HCRTR2: variants seen among roughly 807,000 people sequenced by gnomAD.
HCRTR2 encodes the protein hypocretin receptor 2.
Under a neutral mutation model 49.0 loss-of-function variants are expected in HCRTR2, and 22 were observed. The ratio of observed to expected loss-of-function variants is 0.45; its 90% CI spans 0.32 to 0.64. The LOEUF is 0.64. Ranked by LOEUF, HCRTR2 falls within the 30% of genes least tolerant of loss-of-function variation. The probability of loss-of-function intolerance (pLI) is 0.04; values close to 1 mark genes in which losing one functional copy is unlikely to be tolerated. For synonymous variants in HCRTR2, 236 were observed against 205.3 expected (o/e 1.15, Z -1.28); for missense variants, 491 against 559.4 (o/e 0.88, Z 1.23).
chr6:55,228,847 T>C (rs2127299074), intron 1 of HCRTR2, among the ~76,000 whole-genome samples: 1 of 152,348 alleles, frequency 6.6e-6, no homozygotes, highest in African/African-American at 2.4e-5. Context: ...CAAAATAACA[T>C]ATTTTAATGA....
At chr6:55,110,373 T>C (rs1764032348) in intron 1 of HCRTR2, among the ~76,000 whole-genome samples, 1 of 152,022 alleles carries the variant, frequency 6.6e-6, no homozygotes, top group Admixed American at 6.6e-5. Context: ...ATACCTCACC[T>C]CTCAATACTA....
In HCRTR2 at chr6:55,120,772, A is replaced by G. The variant is rs188336677; in HGVS notation, c.-378+14227A>G. 3.1e-3 allele frequency among the ~76,000 whole-genome samples: 468 copies of G among 152,156 alleles called. 1 individual carries two copies. Among genetic ancestry groups the G allele is most frequent in the African/African-American group, 9.8e-3 (406 of 41,536 alleles). The stretch of plus-strand genomic sequence containing the variant: ...TTTCTCTTGTCTGATTGGCCTGGCC[A>G]GAACTTCCAATACTATGTTGAATAG... On this transcript the variant is annotated intron_variant, in intron 1 of 7. Transcript: ENST00000615358.
At chr6:55,245,467 TTTTATA>T (rs1182034873) in intron 1 of HCRTR2, among the ~76,000 whole-genome samples, 2,445 of 101,328 alleles carry the variant, frequency 0.024, 61 homozygotes, top group Non-Finnish European at 0.026. Flanking sequence ...CATAGGAAGA[TTTTATA>T]TATATATATA....
intron 3 of HCRTR2, among the ~76,000 whole-genome samples, chr6:55,256,819 C>A (rs1278764494): frequency 6.6e-6 from 1 of 152,172 alleles, no homozygotes; most frequent in Admixed American, 6.5e-5. Context: ...TTGTGCCCAC[C>A]TGGAGAGAAA....
intron 1 of HCRTR2, among the ~76,000 whole-genome samples, chr6:55,167,973 G>T (rs917813051): frequency 1.3e-5 from 2 of 152,158 alleles, no homozygotes; most frequent in Non-Finnish European, 2.9e-5. Context: ...ACATATCCAG[G>T]AATTTCCTTG....
At chr6:55,130,885 CA>C (rs1764346801) in intron 1 of HCRTR2, among the ~76,000 whole-genome samples, 1 of 151,858 alleles carries the variant, frequency 6.6e-6, no homozygotes, top group African/African-American at 2.4e-5. Context: ...CTGGCTTGGG[CA>C]AATCTTCATG....
At position 55,235,994 on chromosome 6, in the gene HCRTR2, A is replaced by G. The variant is rs80111612; in HGVS notation, c.224-12645A>G. Among the ~76,000 whole-genome samples, 1,246 of 152,102 alleles carry G rather than the reference A, an allele frequency of 8.2e-3. 18 individuals are homozygous for G. Among genetic ancestry groups the G allele is most frequent in the African/African-American group, 0.028 (1,152 of 41,536 alleles). On this transcript the variant is annotated intron_variant, in intron 1 of 6. Coordinates refer to ENST00000370862, the MANE Select transcript of HCRTR2 (RefSeq NM_001384272.1). ...TAATACTGACTAATTTTGGCCCATT[A>G]TATTTTTATATAAATTTTGAAATCA...
Position 55,282,246 on chromosome 6 carries a change from A to G in HCRTR2, c.1127A>G (p.Lys376Arg). 2 of 1,613,700 alleles carry G rather than the reference A, an allele frequency of 1.2e-6. No homozygotes were observed. The highest frequency in any genetic ancestry group is 1.7e-6 in the Non-Finnish European group (2 of 1,179,822). The change falls in exon 7 of 7, where the codon AAA (lysine) becomes AGA (arginine). Residue 376 changes from lysine (K) to arginine (R), a missense_variant. Physicochemically the swap from Lys to Arg is conservative, Grantham distance 26 (BLOSUM62 2). Transcript: ENST00000370862. ...CCAGGAAAATTTCGAGAGGAATTTA[A>G]AGCTGCGTTTTCTTGCTGTTGCCTT... ...FLSGKFREEF[K>R]AAFSCCCLGV...
intron 1 of HCRTR2, among the ~76,000 whole-genome samples, chr6:55,179,775 T>A (rs1765100480): frequency 6.6e-6 from 1 of 152,200 alleles, no homozygotes; most frequent in South Asian, 2.1e-4. Context: ...TTGTATCATA[T>A]GATTTATATT....
At chr6:55,176,746 A>G (rs1255442131) in intron 1 of HCRTR2, among the ~76,000 whole-genome samples, 1 of 152,224 alleles carries the variant, frequency 6.6e-6, no homozygotes, top group Non-Finnish European at 1.5e-5. Flanking sequence ...TAAAAAGCAT[A>G]TAGAGAATAG....
chr6:55,151,338 A>AAG (rs1764662211), intron 1 of HCRTR2, among the ~76,000 whole-genome samples: 6 of 152,158 alleles, frequency 3.9e-5, no homozygotes, highest in African/African-American at 1.4e-4. Flanking sequence ...CCACTGCTTT[A>AAG]TCAACTAAGT....
intron 3 of HCRTR2, among the ~76,000 whole-genome samples, chr6:55,258,995 G>A (rs1337040126): frequency 6.6e-6 from 1 of 152,104 alleles, no homozygotes; most frequent in Non-Finnish European, 1.5e-5. Flanking sequence ...AGGTTGCAGT[G>A]AGCCGAGATC....
At chr6:55,168,610 G>A (rs540534900) in intron 1 of HCRTR2, among the ~76,000 whole-genome samples, 1 of 152,198 alleles carries the variant, frequency 6.6e-6, no homozygotes, top group Non-Finnish European at 1.5e-5. Flanking sequence ...CTGTTGCCCA[G>A]GCTGGAGTGC....
At chr6:55,222,327 G>A (rs964589497) in intron 1 of HCRTR2, among the ~76,000 whole-genome samples, 5 of 149,202 alleles carry the variant, frequency 3.4e-5, no homozygotes, top group Non-Finnish European at 5.9e-5. Flanking sequence ...AGTGTTGAAA[G>A]GGATGTGGAG....
intron 1 of HCRTR2, among the ~76,000 whole-genome samples, chr6:55,167,217 C>A (rs754867979): frequency 6.6e-6 from 1 of 152,112 alleles, no homozygotes; most frequent in Non-Finnish European, 1.5e-5. Context: ...AATTTCCACA[C>A]AAGGTGGGAT....
At chr6:55,176,747 T>C (rs1192908422) in intron 1 of HCRTR2, among the ~76,000 whole-genome samples, 1 of 152,192 alleles carries the variant, frequency 6.6e-6, no homozygotes, top group Non-Finnish European at 1.5e-5. Flanking sequence ...AAAAAGCATA[T>C]AGAGAATAGA....
intron 2 of HCRTR2, among the ~76,000 whole-genome samples, chr6:55,254,089 T>C (rs1766603998): frequency 6.6e-6 from 1 of 152,066 alleles, no homozygotes; most frequent in Admixed American, 6.6e-5. Flanking sequence ...TTGTATCAGA[T>C]ATTGGGGACA....
chr6:55,219,325 A>G (rs1033291131), intron 1 of HCRTR2, among the ~76,000 whole-genome samples: 4 of 152,264 alleles, frequency 2.6e-5, no homozygotes, highest in African/African-American at 7.2e-5. Context: ...AAATTTAAAA[A>G]TACAGAAATC....
intron 1 of HCRTR2, among the ~76,000 whole-genome samples, chr6:55,227,528 G>C: frequency 6.6e-6 from 1 of 152,132 alleles, no homozygotes; most frequent in East Asian, 1.9e-4. Context: ...TTTGAACAGG[G>C]AATTTTGTAC....
Sources: allele counts gnomAD v4.1 joint callset (sites outside exome capture counted in the v4.1 genomes callset), GRCh38; gene constraint gnomAD v4.1.1; transcripts MANE v1.5; gene names NCBI Gene and HGNC (gene_info 2026-07-23, HGNC 2026-07-21).